The following MED6 variants were observed in gnomAD, a reference collection of about 807,000 sequenced individuals.
The protein encoded by MED6 is mediator complex subunit 6, also known as mediator of RNA polymerase II transcription subunit 6.
Under a neutral mutation model 37.5 loss-of-function variants are expected in MED6, and 33 were observed. The observed-to-expected ratio is 0.88, with a 90% CI of 0.67 to 1.18. The LOEUF (loss-of-function observed/expected upper bound fraction) is 1.18, where lower values mean the gene tolerates loss of function less well. Ranked by LOEUF, MED6 falls within the 50% of genes most tolerant of loss-of-function variation. The pLI, the probability that MED6 is intolerant of heterozygous loss-of-function variation, is 0.00. For missense variants in MED6, 235 were observed against 290.6 expected, an observed-to-expected ratio of 0.81 and a Z score of 1.39; for synonymous variants, 94 against 93.6, an observed-to-expected ratio of 1.00 and a Z score of -0.02.
chr14:70,600,461 C>A (rs1289435311), intron 1 of MED6, among the ~76,000 whole-genome samples, 155 bp downstream of exon 1: 1 of 150,284 alleles, frequency 6.7e-6, no homozygotes, highest in Non-Finnish European at 1.5e-5. Context: ...AACTCGTCAA[C>A]GTTTCGCTAG....
intron 1 of MED6, 29 bp downstream of exon 1, chr14:70,600,587 A>T (rs1885177662): frequency 6.2e-7 from 1 of 1,613,102 alleles, no homozygotes; most frequent in African/African-American, 1.3e-5. Context: ...ACAGACAATC[A>T]AGAGACAAAA....
At chr14:70,593,820 C>T (rs1237338452) in intron 3 of MED6, among the ~76,000 whole-genome samples, 5 of 152,158 alleles carry the variant, frequency 3.3e-5, no homozygotes. Flanking sequence ...GACCTTGGAG[C>T]AAGACAGACT....
intron 3 of MED6, 44 bp downstream of exon 3, chr14:70,596,567 G>C: frequency 2.1e-6 from 3 of 1,437,110 alleles, no homozygotes; most frequent in Non-Finnish European, 1.9e-6. Context: ...AATAAATTAT[G>C]GTATTTTAAA....
intron 1 of MED6, among the ~76,000 whole-genome samples, chr14:70,599,434 T>G (rs1012885908): frequency 1.3e-5 from 2 of 152,166 alleles, no homozygotes; most frequent in Admixed American, 1.3e-4. Flanking sequence ...ACCCTTGCCC[T>G]CCTACACTGT....
intron 6 of MED6, among the ~76,000 whole-genome samples, chr14:70,589,409 C>A (rs1226737894): frequency 6.6e-6 from 1 of 152,206 alleles, no homozygotes; most frequent in African/African-American, 2.4e-5. Context: ...ACTGACTACA[C>A]CACTCCCTTG....
rs1387095027 is a variant in MED6 at position 70,584,091 on chromosome 14, A to C, written c.*722T>G. On this transcript the variant is annotated 3_prime_UTR_variant, in exon 8 of 8. Coordinates refer to ENST00000256379, the MANE Select transcript of MED6 (RefSeq NM_005466.4). ...TTTTTCCTTTTCTTCATCTTCCAAA[A>C]TGTCAGCAACTGTTTATTTTAATAC... 1 of 660,308 alleles carries C rather than the reference A, an allele frequency of 1.5e-6. No homozygotes were observed. The highest frequency in any genetic ancestry group is 2.7e-6 in the Non-Finnish European group (1 of 368,978). 40.9% of individuals were successfully genotyped at this position (660,308 alleles called of 1,614,324 possible).
chr14:70,593,863 G>T (rs553463045), intron 3 of MED6, among the ~76,000 whole-genome samples: 1 of 152,304 alleles, frequency 6.6e-6, no homozygotes, highest in South Asian at 2.1e-4. Flanking sequence ...CAAATGCAAT[G>T]AGCTTGCTTT....
chr14:70,599,177 A>G (rs1193393152), intron 1 of MED6, among the ~76,000 whole-genome samples: 1 of 152,248 alleles, frequency 6.6e-6, no homozygotes, highest in Non-Finnish European at 1.5e-5. Context: ...CAAAGAAGTC[A>G]GACCTAATTC....
At chr14:70,596,444 T>G (rs527800614) in intron 3 of MED6, 167 bp downstream of exon 3, 1 of 537,620 alleles carries the variant, frequency 1.9e-6, no homozygotes, top group African/African-American at 1.9e-5. Context: ...TAGCTGTAAG[T>G]ACAACCATAT....
intron 6 of MED6, among the ~76,000 whole-genome samples, chr14:70,588,530 C>T (rs1884775711): frequency 6.6e-6 from 1 of 151,338 alleles, no homozygotes; most frequent in South Asian, 2.1e-4. Context: ...CTAAAAAATA[C>T]AAAAAATTAG....
chr14:70,585,347 C>T (rs1884672744), intron 7 of MED6, among the ~76,000 whole-genome samples: 1 of 152,096 alleles, frequency 6.6e-6, no homozygotes, highest in African/African-American at 2.4e-5. Flanking sequence ...TTTTCCCTCC[C>T]AATTCATCTT....
chr14:70,595,223 A>T (rs1885007801), intron 3 of MED6: 1 of 542,184 alleles, frequency 1.8e-6, no homozygotes, highest in Admixed American at 1.9e-5. Flanking sequence ...ACAAGCCCAG[A>T]CTGCCAGCTC....
intron 1 of MED6, among the ~76,000 whole-genome samples, chr14:70,600,397 C>T (rs1235189406): frequency 6.6e-6 from 1 of 151,674 alleles, no homozygotes; most frequent in African/African-American, 2.4e-5. Context: ...CTTCTTCCAA[C>T]CCCTTCTCTC....
chr14:70,586,769 C>A (rs1019865267), intron 6 of MED6, among the ~76,000 whole-genome samples: 1 of 152,188 alleles, frequency 6.6e-6, no homozygotes, highest in Non-Finnish European at 1.5e-5. Flanking sequence ...CCTACTCCAA[C>A]TGCAAGTCCT....
At position 70,591,331 on chromosome 14, in the gene MED6, G is replaced by A; in HGVS notation, c.517C>T (p.Gln173Ter). ...KRKEEPSSIF[Q>*]RQRVDALLLD... is the part of the protein sequence containing the mutation. ...AGTAAAGCATCCACACGTTGTCTCT[G>A]AAAAATAGAGCTTGGTTCTTCTTTC... Residue 173 changes from glutamine (Q) to a stop codon, truncating the protein, a stop_gained, in exon 6 of 8, where the codon CAG (glutamine) becomes TAG (stop). Transcript: ENST00000256379. LOFTEE classifies it high-confidence loss of function. 1 of 1,607,220 alleles carries A rather than the reference G, an allele frequency of 6.2e-7. No individual in the cohort carries two copies. The highest frequency in any genetic ancestry group is 1.3e-5 in the African/African-American group (1 of 74,618).
At chr14:70,591,846 A>ATAT (rs1884879891) in intron 5 of MED6, 2 of 152,388 alleles carry the variant, frequency 1.3e-5, no homozygotes, top group African/African-American at 4.8e-5. Flanking sequence ...CACTAAAAAA[A>ATAT]AATAATAAAA....
chr14:70,600,248 A>G (rs537708218), intron 1 of MED6, among the ~76,000 whole-genome samples: 4 of 152,148 alleles, frequency 2.6e-5, no homozygotes, highest in Non-Finnish European at 5.9e-5. Flanking sequence ...CAAGAGATGA[A>G]TCAAATCAAG....
chr14:70,591,418 A>G lies in MED6; in HGVS notation c.467-37T>C, dbSNP rs375589624. The stretch of plus-strand genomic sequence containing the variant: ...CGAAGTCCAAATCAAAACATTGCCT[A>G]CTTAGTTTGGTGTCTCATATTTTAC... On this transcript the variant is annotated intron_variant, in intron 5 of 7. Coordinates refer to ENST00000256379, the MANE Select transcript of MED6 (RefSeq NM_005466.4). 1.7e-4 allele frequency: 262 copies of G among 1,507,958 alleles called. No individual in the cohort carries two copies. The African/African-American group carries it at 3.3e-3, about 19-fold the overall frequency. The allele number at this position is 1,507,958 out of a possible 1,614,324, so 93.4% of individuals were successfully genotyped here. A position where few individuals can be genotyped will look rare whatever the true frequency, so the allele number is the denominator to read the frequency against.
In MED6 at chr14:70,596,614, G is replaced by C; in HGVS notation, c.271C>G (p.Gln91Glu). 1 of 1,609,400 alleles carries C rather than the reference G, an allele frequency of 6.2e-7. No homozygotes were observed. Among genetic ancestry groups the C allele is most frequent in the Admixed American group, 1.7e-5 (1 of 59,968 alleles). The change falls in exon 3 of 8, where the codon CAA becomes GAA. Residue 91 changes from glutamine (Q) to glutamate (E), a missense_variant. By Grantham distance (29) the Gln-to-Glu change is conservative. Transcript: ENST00000256379. ...GCCTAAAGTTTACACATTTTACCTT[G>C]GGCAGGGGACTGCCGCTGTTGCTTC... ...IRKQQRQSPAQVIPLADYYII... is the reference protein window; with the variant it reads ...IRKQQRQSPAEVIPLADYYII...
Sources: gnomAD v4.1 joint callset for allele counts (sites outside exome capture counted in the v4.1 genomes callset) on GRCh38, gnomAD v4.1.1 for gene constraint, MANE v1.5 for transcripts, NCBI Gene and HGNC (gene_info 2026-07-23, HGNC 2026-07-21) for gene names.